MYRIP: variants seen among roughly 807,000 people sequenced by gnomAD.
The protein encoded by MYRIP is rab effector MyRIP.
MYRIP carries 49 observed loss-of-function variants against 98.0 expected under a neutral mutation model. That is an observed-to-expected ratio of 0.50 (90% CI 0.40 to 0.63). The LOEUF is 0.63. Among genes scored for constraint, MYRIP ranks in the 30% least tolerant of loss-of-function variants. MYRIP has a pLI of 0.00. For missense variants in MYRIP, 1,004 were observed against 1,058.2 expected (o/e 0.95, Z 0.71); for synonymous variants, 404 against 409.5 (o/e 0.99, Z 0.16).
intron 1 of MYRIP, among the ~76,000 whole-genome samples, chr3:39,856,595 A>G (rs1469357568): frequency 6.6e-6 from 1 of 152,192 alleles, no homozygotes; most frequent in Non-Finnish European, 1.5e-5. Context: ...CCCCTTCCAG[A>G]GCCCAACCAG....
chr3:40,052,568 C>T (rs1236878398), intron 3 of MYRIP, among the ~76,000 whole-genome samples: 1 of 152,076 alleles, frequency 6.6e-6, no homozygotes, highest in Non-Finnish European at 1.5e-5. Context: ...CACTCTTTTC[C>T]ATTGCTGGGG....
rs1458729627 is a variant in MYRIP at position 40,119,675 on chromosome 3, A to G, written c.333-31373A>G. Among the ~76,000 whole-genome samples the G allele has an allele frequency of 2.0e-5, 3 of 152,140 alleles. 1 individual carries two copies. The highest frequency in any genetic ancestry group is 4.4e-5 in the Non-Finnish European group (3 of 68,030). The stretch of plus-strand genomic sequence containing the variant: ...CAGTAAACTATCACAAGGACAAAAA[A>G]CCAAACACCACATGTTCTCATTCAT... On this transcript the variant is annotated intron_variant, in intron 3 of 16. Transcript: ENST00000302541.
chr3:40,203,649 A>G (rs1469837192), intron 10 of MYRIP, among the ~76,000 whole-genome samples: 2 of 133,790 alleles, frequency 1.5e-5, no homozygotes, highest in Non-Finnish European at 3.1e-5. Context: ...AGTTCCATAT[A>G]AATATATATA....
chr3:39,858,139 C>G (rs1942361333), intron 1 of MYRIP, among the ~76,000 whole-genome samples: 1 of 152,066 alleles, frequency 6.6e-6, no homozygotes, highest in African/African-American at 2.4e-5. Context: ...TGATTTGCTG[C>G]CTTCAGGAGA....
chr3:39,901,428 T>C (rs1943740768), intron 2 of MYRIP, among the ~76,000 whole-genome samples: 2 of 152,176 alleles, frequency 1.3e-5, no homozygotes, highest in African/African-American at 2.4e-5. Context: ...CCTCATTTTA[T>C]AGAAGAGGAA....
rs1357854257 is a variant in MYRIP at position 40,166,932 on chromosome 3, G to A, written c.637G>A (p.Gly213Arg). The A allele has an allele frequency of 1.2e-6, 2 of 1,613,402 alleles. No homozygotes were observed. The highest frequency in any genetic ancestry group is 1.3e-5 in the African/African-American group (1 of 74,880). Reference sequence around the variant, plus strand: ...AGCAATTTCCAAAGCAGAGGCATATGGGGACAGCCTGGTAGGGCCCCTCCT... The same window carrying A: ...AGCAATTTCCAAAGCAGAGGCATATAGGGACAGCCTGGTAGGGCCCCTCCT... ...EEAISKAEAY[G>R]DSLDKQNEAS... The change falls in exon 6 of 17, where the codon GGG (glycine) becomes AGG (arginine). Residue 213 changes from glycine (G) to arginine (R), a missense_variant. Around this residue, in one of 3 missense-constraint regions of MYRIP, gnomAD observed 880 missense variants for 907.7 expected, o/e 0.97. Transcript: ENST00000302541.
At chr3:40,062,014 G>T (rs1004051765) in intron 3 of MYRIP, among the ~76,000 whole-genome samples, 1 of 151,998 alleles carries the variant, frequency 6.6e-6, no homozygotes, top group African/African-American at 2.4e-5. Flanking sequence ...TTTCTGATGC[G>T]TAGTTTGTAA....
chr3:39,918,462 A>G (rs1432509090), intron 2 of MYRIP, among the ~76,000 whole-genome samples: 1 of 151,980 alleles, frequency 6.6e-6, no homozygotes, highest in Non-Finnish European at 1.5e-5. Flanking sequence ...CTTGTCTTTT[A>G]TATCTTGAAG....
intron 2 of MYRIP, among the ~76,000 whole-genome samples, chr3:39,952,218 A>C (rs1945034226): frequency 6.6e-6 from 1 of 152,218 alleles, no homozygotes. Context: ...TGTAGCATGC[A>C]TGAGTCATTT....
intron 11 of MYRIP, among the ~76,000 whole-genome samples, chr3:40,214,062 T>A (rs1042027857): frequency 2.0e-5 from 3 of 152,196 alleles, no homozygotes; most frequent in African/African-American, 7.2e-5. Flanking sequence ...CACTGTTTCC[T>A]GGGATTGCCT....
At chr3:40,044,368 A>G (rs1947623085) in intron 3 of MYRIP, 97 bp downstream of exon 3, 3 of 1,205,612 alleles carry the variant, frequency 2.5e-6, no homozygotes, top group East Asian at 4.8e-5. Context: ...TGATTGGTAG[A>G]TCAACACAGA....
chr3:39,909,830 G>A (rs1439496787), intron 2 of MYRIP, among the ~76,000 whole-genome samples: 1 of 152,140 alleles, frequency 6.6e-6, no homozygotes, highest in Non-Finnish European at 1.5e-5. Context: ...AGAGTGTGGG[G>A]TTCCAGGAAT....
chr3:40,246,391 G>C (rs1257767544), intron 13 of MYRIP, among the ~76,000 whole-genome samples: 1 of 152,128 alleles, frequency 6.6e-6, no homozygotes, highest in Non-Finnish European at 1.5e-5. Context: ...GGGGTAAAGG[G>C]AATGGTCAAC....
intron 3 of MYRIP, among the ~76,000 whole-genome samples, chr3:40,044,935 A>C (rs772807864): frequency 2.6e-4 from 40 of 152,212 alleles, no homozygotes; most frequent in Non-Finnish European, 4.4e-4. Context: ...CCAGCAGAGC[A>C]CTTCTTTGAT....
intron 1 of MYRIP, among the ~76,000 whole-genome samples, chr3:39,816,078 C>CTTTTT (rs11382431): frequency 4.2e-5 from 6 of 143,218 alleles, no homozygotes; most frequent in Non-Finnish European, 6.1e-5. Context: ...TTCTTTTTTT[C>CTTTTT]TTTTTTTTTT....
At chr3:40,007,074 G>A (rs545365008) in intron 2 of MYRIP, among the ~76,000 whole-genome samples, 24 of 152,336 alleles carry the variant, frequency 1.6e-4, no homozygotes, top group Admixed American at 1.4e-3. Flanking sequence ...GGGGGGAAAT[G>A]TCTTTACTTG....
At chr3:40,182,422 G>T (rs201879863) in intron 9 of MYRIP, 49 bp downstream of exon 9, 9 of 1,570,398 alleles carry the variant, frequency 5.7e-6, no homozygotes, top group South Asian at 1.2e-5. Context: ...TCAAAAGTGT[G>T]GTTTGGAGAC....
chr3:39,888,474 A>G lies in MYRIP; in HGVS notation c.-30-12313A>G, dbSNP rs1943377542. 2.0e-5 allele frequency among the ~76,000 whole-genome samples: 3 copies of G among 152,284 alleles called. 1 individual carries two copies. In the South Asian group the frequency reaches 6.2e-4, roughly 32 times the overall value. On this transcript the variant is annotated intron_variant, in intron 1 of 16. Coordinates refer to ENST00000302541, the MANE Select transcript of MYRIP (RefSeq NM_015460.4). Reference sequence around the variant, plus strand: ...ATGGTGCTGGGAAAACTGGCTAGCCATATGTAGAAAGCTGAAACTGGATCC... The same window carrying G: ...ATGGTGCTGGGAAAACTGGCTAGCCGTATGTAGAAAGCTGAAACTGGATCC...
intron 2 of MYRIP, among the ~76,000 whole-genome samples, chr3:39,983,965 C>G (rs565462155): frequency 6.6e-6 from 1 of 152,002 alleles, no homozygotes; most frequent in East Asian, 1.9e-4. Context: ...CTTTTTTGCT[C>G]TGGCTGCCAG....
Sources: allele counts gnomAD v4.1 joint callset (sites outside exome capture counted in the v4.1 genomes callset), GRCh38; gene constraint gnomAD v4.1.1; regional missense constraint gnomAD v4.1.1; transcripts MANE v1.5; gene names NCBI Gene and HGNC (gene_info 2026-07-23, HGNC 2026-07-21).